Variants in SBF2 observed in about 807,000 individuals in gnomAD.
SBF2 encodes the protein myotubularin-related protein 13.
A neutral mutation model predicts 225.2 loss-of-function variants in SBF2; 112 were observed. That is an observed-to-expected ratio of 0.50 (90% CI 0.43 to 0.58). The LOEUF is 0.58. Ranked by LOEUF, SBF2 falls within the 20% of genes least tolerant of loss-of-function variation. The pLI, the probability that SBF2 is intolerant of heterozygous loss-of-function variation, is 0.00. For synonymous variants in SBF2, 763 were observed against 773.3 expected (o/e 0.99, Z 0.22); for missense variants, 1,996 against 2,206.2 (o/e 0.90, Z 1.91).
At chr11:9,835,240 C>T (rs777170206) in intron 26 of SBF2, among the ~76,000 whole-genome samples, 1 of 151,904 alleles carries the variant, frequency 6.6e-6, no homozygotes, top group African/African-American at 2.4e-5. Context: ...GATATCACTA[C>T]CACCTAGGTC....
At chr11:10,207,676 C>A (rs1957793297) in intron 1 of SBF2, among the ~76,000 whole-genome samples, 1 of 151,946 alleles carries the variant, frequency 6.6e-6, no homozygotes, top group South Asian at 2.1e-4. Context: ...CTGAGTATGA[C>A]CCTAACAGAT....
At chr11:9,980,589 ATTTT>A (rs547262918) in intron 13 of SBF2, among the ~76,000 whole-genome samples, 1 of 145,572 alleles carries the variant, frequency 6.9e-6, no homozygotes, top group East Asian at 2.0e-4. Flanking sequence ...GAACTTAAGA[ATTTT>A]TTTTTTTTTT....
intron 28 of SBF2, among the ~76,000 whole-genome samples, chr11:9,818,726 C>T (rs917806404): frequency 7.2e-5 from 11 of 152,214 alleles, no homozygotes; most frequent in East Asian, 3.9e-4. Context: ...TTCACATGCA[C>T]GAATCTTTCT....
chr11:9,868,943 C>T (rs1858479227), intron 17 of SBF2, among the ~76,000 whole-genome samples: 1 of 152,192 alleles, frequency 6.6e-6, no homozygotes, highest in African/African-American at 2.4e-5. Flanking sequence ...TGTTGATTGT[C>T]AATGCCCAGA....
intron 1 of SBF2, among the ~76,000 whole-genome samples, chr11:10,221,077 A>G (rs1009812701): frequency 5.4e-5 from 7 of 129,038 alleles, no homozygotes; most frequent in Admixed American, 5.4e-4. Flanking sequence ...TTATATTACT[A>G]TTTTCTATTT....
intron 2 of SBF2, among the ~76,000 whole-genome samples, chr11:10,150,586 T>G (rs1955129219): frequency 6.6e-6 from 1 of 152,174 alleles, no homozygotes; most frequent in South Asian, 2.1e-4. Context: ...ATAATCTGTC[T>G]TGTTTAAATA....
chr11:10,143,415 G>A (rs545382241), intron 2 of SBF2, among the ~76,000 whole-genome samples: 4 of 152,056 alleles, frequency 2.6e-5, no homozygotes, highest in African/African-American at 9.7e-5. Flanking sequence ...CAGGTGATCC[G>A]CCCACATGGG....
intron 2 of SBF2, among the ~76,000 whole-genome samples, chr11:10,075,795 G>A (rs1565201958): frequency 6.6e-6 from 1 of 152,106 alleles, no homozygotes; most frequent in South Asian, 2.1e-4. Flanking sequence ...TTATAGCAGT[G>A]TGAGAACAGA....
rs746473762 is a variant in SBF2, at chr11:9,856,720, C to T, written c.2101G>A (p.Asp701Asn). 17 of 1,613,350 alleles carry T rather than the reference C, an allele frequency of 1.1e-5. No individual in the cohort carries two copies. The highest frequency in any genetic ancestry group is 1.3e-5 in the African/African-American group (1 of 74,836). ...DNHAPHLKQK[D>N]KLPDDHYQEK... ...TGATAATGGTCATCAGGAAGCTTAT[C>T]CTAAAAAATAAAGCAACACAATCCA... The change falls in exon 19 of 40, where the codon GAT becomes AAT. Residue 701 changes from aspartate to asparagine, a missense_variant and splice_region_variant. Physicochemically the swap from Asp to Asn is conservative, Grantham distance 23 (BLOSUM62 1). Transcript: ENST00000256190.
At chr11:10,023,235 G>C (rs61877044) in intron 6 of SBF2, among the ~76,000 whole-genome samples, 1 of 151,896 alleles carries the variant, frequency 6.6e-6, no homozygotes, top group Non-Finnish European at 1.5e-5. Flanking sequence ...TGAATTCATG[G>C]ATCTTAAAAT....
At chr11:9,947,178 A>C (rs1865611040) in intron 16 of SBF2, among the ~76,000 whole-genome samples, 1 of 152,204 alleles carries the variant, frequency 6.6e-6, no homozygotes, top group Non-Finnish European at 1.5e-5. Context: ...TAGATAACCA[A>C]ATAGTTACTG....
chr11:10,246,553 G>A (rs577442075), intron 1 of SBF2, among the ~76,000 whole-genome samples: 3 of 152,266 alleles, frequency 2.0e-5, no homozygotes, highest in Admixed American at 1.3e-4. Context: ...AAAGTGTTGG[G>A]ATTACAGGCA....
At position 9,823,139 on chromosome 11, in the gene SBF2, G is replaced by T. The variant is rs146401852; in HGVS notation, c.3794-6115C>A. 5.3e-5 allele frequency among the ~76,000 whole-genome samples: 8 copies of T among 152,254 alleles called. No homozygotes were observed. In the East Asian group the frequency reaches 5.8e-4, roughly 11 times the overall value. ...TCAAGGCATTTTTCTACTCAACAAA[G>T]AAATTTATCCAAGTTGTAAGTATAT... On this transcript the variant is annotated intron_variant, in intron 28 of 39. Coordinates refer to ENST00000256190, the MANE Select transcript of SBF2 (RefSeq NM_030962.4).
chr11:9,932,906 C>T (rs1565023412), intron 16 of SBF2, among the ~76,000 whole-genome samples: 1 of 119,920 alleles, frequency 8.3e-6, no homozygotes, highest in African/African-American at 3.3e-5. Flanking sequence ...AAGAGACACA[C>T]ATAGGCTCAA....
At chr11:9,882,601 G>C (rs564989894) in intron 17 of SBF2, among the ~76,000 whole-genome samples, 2 of 152,054 alleles carry the variant, frequency 1.3e-5, no homozygotes, top group Non-Finnish European at 2.9e-5. Flanking sequence ...AAAGTCAGGA[G>C]ATCGAGACCA....
intron 13 of SBF2, among the ~76,000 whole-genome samples, chr11:9,981,189 A>C (rs1946939168): frequency 1.3e-5 from 2 of 152,244 alleles, no homozygotes; most frequent in Admixed American, 6.5e-5. Context: ...TTGTGAGTCA[A>C]GATACTGACC....
intron 16 of SBF2, among the ~76,000 whole-genome samples, chr11:9,941,657 TTAA>T (rs1439708577): frequency 6.6e-6 from 1 of 152,196 alleles, no homozygotes. Flanking sequence ...GGAAATGGAC[TTAA>T]TAACCTGATA....
intron 2 of SBF2, among the ~76,000 whole-genome samples, chr11:10,128,441 T>C (rs1247108973): frequency 1.3e-5 from 2 of 152,228 alleles, no homozygotes; most frequent in Non-Finnish European, 2.9e-5. Context: ...CTCTTTTCCC[T>C]GTAAGAAAAG....
At chr11:10,252,806 G>A (rs1960495214) in intron 1 of SBF2, among the ~76,000 whole-genome samples, 1 of 148,244 alleles carries the variant, frequency 6.7e-6, no homozygotes, top group Admixed American at 6.8e-5. Context: ...GGGCAAAAAT[G>A]CGAGACTCTG....
Sources: gnomAD v4.1 joint callset for allele counts (sites outside exome capture counted in the v4.1 genomes callset) on GRCh38, gnomAD v4.1.1 for gene constraint, MANE v1.5 for transcripts, NCBI Gene and HGNC (gene_info 2026-07-23, HGNC 2026-07-21) for gene names.